MACF1: variants seen among roughly 807,000 people sequenced by gnomAD.
MACF1 encodes the protein microtubule actin crosslinking factor 1.
In MACF1, 193 loss-of-function variants were observed where a neutral mutation model predicts 854.8. The observed-to-expected ratio is 0.23, with a 90% CI of 0.20 to 0.25. The LOEUF is 0.25. Among genes scored for constraint, MACF1 ranks in the 10% least tolerant of loss-of-function variants. The pLI is 1.00. For missense variants in MACF1, 7,722 were observed against 8,929.1 expected (o/e 0.86, Z 5.45); for synonymous variants, 3,185 against 3,226.7 (o/e 0.99, Z 0.44).
chr1:39,430,145 C>T (rs756582009), intron 65 of MACF1, 77 bp downstream of exon 65: 3 of 1,484,404 alleles, frequency 2.0e-6, no homozygotes, highest in Non-Finnish European at 2.7e-6. Flanking sequence ...CAACCTTTAC[C>T]TTAAATATAA....
intron 44 of MACF1, among the ~76,000 whole-genome samples, chr1:39,356,463 C>T (rs1193575701): frequency 3.3e-5 from 5 of 151,794 alleles, no homozygotes; most frequent in Admixed American, 6.6e-5. Flanking sequence ...ATCTCTGCCT[C>T]CCAGGTTCAA....
At chr1:39,380,448 C>G in intron 55 of MACF1, 75 bp downstream of exon 55, 2 of 1,411,030 alleles carry the variant, frequency 1.4e-6, no homozygotes, top group Admixed American at 4.3e-5. Context: ...TCAGCACATC[C>G]TATAAAACAG....
intron 58 of MACF1, chr1:39,411,900 T>A: frequency 6.2e-7 from 1 of 1,614,002 alleles, no homozygotes; most frequent in Non-Finnish European, 8.5e-7. Flanking sequence ...CCCTGGATTC[T>A]TCTCAGGTGC....
At position 39,460,904 on chromosome 1, in the gene MACF1, C is replaced by T; in HGVS notation, c.21523+110C>T. ...TTTCTGAAGCTGGCCAGGAGCTTGG[C>T]TCACACCTGTAATTCCAGCACTTTG... On this transcript the variant is annotated intron_variant, in intron 92 of 100. Coordinates refer to ENST00000564288, the MANE Select transcript of MACF1 (RefSeq NM_001394062.1). The surrounding 1 kb of genome is among the most constrained non-coding windows in gnomAD (Gnocchi z 4.1). The T allele has an allele frequency of 7.9e-7, 1 of 1,258,454 alleles. No homozygotes were observed. The highest frequency in any genetic ancestry group is 1.1e-6 in the Non-Finnish European group (1 of 883,914). 78.0% of individuals were successfully genotyped at this position (1,258,454 alleles called of 1,614,324 possible). A position where few individuals can be genotyped will look rare whatever the true frequency, so the allele number is the denominator to read the frequency against.
At chr1:39,322,840 T>C in intron 32 of MACF1, 70 bp from the exon 33 acceptor site, 1 of 1,531,804 alleles carries the variant, frequency 6.5e-7, no homozygotes, top group Admixed American at 1.7e-5. Context: ...GAACATTTCC[T>C]CTTATTTTGA....
chr1:39,378,485 G>A lies in MACF1; in HGVS notation c.13238G>A (p.Ser4413Asn). Residue 4413 changes from serine to asparagine, a missense_variant, in exon 53 of 101, where the codon AGC becomes AAC. By Grantham distance (46) the Ser-to-Asn change is conservative (BLOSUM62 1). This residue lies in a region of MACF1 where 2,807 missense variants were observed against 3,235.8 expected (regional missense o/e 0.87). Coordinates refer to ENST00000564288, the MANE Select transcript of MACF1 (RefSeq NM_001394062.1). ...KTGSILPSVG[S>N]SVGSVNGYHT... ...GGTTCCATACTGCCCTCTGTAGGAA[G>A]CTCTGTAGGCAGTGTAAACGGATAC... The A allele has an allele frequency of 6.2e-7, 1 of 1,614,074 alleles. No individual in the cohort carries two copies. Among genetic ancestry groups the A allele is most frequent in the African/African-American group, 1.3e-5 (1 of 75,070 alleles).
In MACF1 at chr1:39,322,596, A is replaced by G. The variant is rs753249842; in HGVS notation, c.4030-12A>G. 12 of 1,602,486 alleles carry G rather than the reference A, an allele frequency of 7.5e-6. No individual in the cohort carries two copies. Among genetic ancestry groups the G allele is most frequent in the East Asian group, 6.7e-5 (3 of 44,842 alleles). On this transcript the variant is annotated splice_polypyrimidine_tract_variant and intron_variant, in intron 31 of 100. Transcript: ENST00000564288. The stretch of plus-strand genomic sequence containing the variant: ...ACCCTGAGTAACTGTAGCGAAATTC[A>G]TCCTTTCCTAGGACTATGAATTGCA...
Position 39,336,175 on chromosome 1 carries a change from C to T in MACF1, c.9587C>T (p.Ser3196Leu). ...GAAATCACAGTTTCTAGACCAGATT[C>T]AAAAGAAGTCAGGTATCTAGAATTC... ...LEEITVSRPD[S>L]KEVRYLEFSD... Residue 3196 changes from serine (S) to leucine (L), a missense_variant, in exon 37 of 101, where the codon TCA (serine) becomes TTA (leucine). Transcript: ENST00000564288. 1 of 1,614,102 alleles carries T rather than the reference C, an allele frequency of 6.2e-7. No homozygotes were observed. Among genetic ancestry groups the T allele is most frequent in the Non-Finnish European group, 8.5e-7 (1 of 1,180,012 alleles).
chr1:39,433,485 A>C (rs1310761707), intron 68 of MACF1, among the ~76,000 whole-genome samples: 2 of 152,234 alleles, frequency 1.3e-5, no homozygotes, highest in Non-Finnish European at 2.9e-5. Flanking sequence ...CCATATGCAG[A>C]TATTAATTCC....
chr1:39,383,746 G>A (rs761433956), intron 56 of MACF1, among the ~76,000 whole-genome samples: 17 of 151,838 alleles, frequency 1.1e-4, no homozygotes, highest in Non-Finnish European at 1.9e-4. Flanking sequence ...GTGTGGTGGC[G>A]GGTGCCTGTA....
chr1:39,215,443 GT>G (rs5773652), intron 1 of MACF1: 53 of 145,560 alleles, frequency 3.6e-4, no homozygotes, highest in Admixed American at 4.1e-4. Flanking sequence ...AGTATGTGAA[GT>G]TTTTTTTTTT....
chr1:39,155,432 AAG>A (rs1310439543), intron 2 of MACF1, among the ~76,000 whole-genome samples: 6 of 152,176 alleles, frequency 3.9e-5, no homozygotes, highest in African/African-American at 1.4e-4. Context: ...GACTTTAAAA[AAG>A]CAAAAGGAAC....
intron 96 of MACF1, 51 bp from the exon 97 acceptor site, chr1:39,469,496 T>C: frequency 7.2e-7 from 1 of 1,383,620 alleles, no homozygotes; most frequent in South Asian, 1.2e-5. Context: ...GACTAGTTTC[T>C]GCGTTTCCTG....
intron 89 of MACF1, among the ~76,000 whole-genome samples, chr1:39,456,473 G>C (rs1557664689): frequency 6.6e-6 from 1 of 152,318 alleles, no homozygotes; most frequent in East Asian, 1.9e-4. Context: ...GCATGTTTAA[G>C]GTAGGCCAGG....
At chr1:39,414,631 G>A in intron 58 of MACF1, 1 of 1,196,070 alleles carries the variant, frequency 8.4e-7, no homozygotes, top group Non-Finnish European at 1.2e-6. Context: ...CAGTTTTTGG[G>A]GAAAATATAC....
intron 80 of MACF1, among the ~76,000 whole-genome samples, chr1:39,445,425 T>TA (rs1343988834): frequency 4.6e-5 from 7 of 152,230 alleles, no homozygotes; most frequent in African/African-American, 9.6e-5. Context: ...AATATATACA[T>TA]ACACAAACCT....
intron 3 of MACF1, 91 bp downstream of exon 3, chr1:39,250,194 C>A: frequency 1.3e-6 from 1 of 770,262 alleles, no homozygotes; most frequent in South Asian, 1.8e-5. Flanking sequence ...GCAGCCATCA[C>A]TGTTTCATCT....
intron 2 of MACF1, among the ~76,000 whole-genome samples, chr1:39,159,515 A>G (rs1198618809): frequency 1.3e-5 from 2 of 152,208 alleles, no homozygotes; most frequent in African/African-American, 4.8e-5. Context: ...TTGTAAGCCC[A>G]TTGTAAAGTA....
intron 57 of MACF1, among the ~76,000 whole-genome samples, chr1:39,386,781 T>C (rs1233201625): frequency 6.7e-6 from 1 of 150,210 alleles, no homozygotes; most frequent in Non-Finnish European, 1.5e-5. Context: ...CCCAAGCTAG[T>C]CTTGAACTCC....
Sources: allele counts gnomAD v4.1 joint callset (sites outside exome capture counted in the v4.1 genomes callset), GRCh38; gene constraint gnomAD v4.1.1; regional missense constraint gnomAD v4.1.1; non-coding constraint Gnocchi (gnomAD v3.1); transcripts MANE v1.5; gene names NCBI Gene and HGNC (gene_info 2026-07-23, HGNC 2026-07-21).